The following ABCC4 variants were observed in gnomAD, a reference collection of about 807,000 sequenced individuals.
ABCC4 encodes ATP binding cassette subfamily C member 4 (PEL blood group).
In ABCC4, 102 loss-of-function variants were observed where a neutral mutation model predicts 168.5. The ratio of observed to expected loss-of-function variants is 0.61; its 90% CI spans 0.52 to 0.71. The LOEUF (loss-of-function observed/expected upper bound fraction) is 0.71, where lower values mean the gene tolerates loss of function less well. ABCC4 is among the 30% of genes least tolerant of loss of function. The probability of loss-of-function intolerance (pLI) is 0.00; values close to 1 mark genes in which losing one functional copy is unlikely to be tolerated. For missense variants in ABCC4, 1,402 were observed against 1,605.8 expected (o/e 0.87, Z 2.17); for synonymous variants, 617 against 590.7 (o/e 1.04, Z -0.65).
intron 3 of ABCC4, among the ~76,000 whole-genome samples, chr13:95,245,749 C>T (rs1330641541): frequency 6.6e-6 from 1 of 152,142 alleles, no homozygotes; most frequent in Non-Finnish European, 1.5e-5. Flanking sequence ...GTCCAGTCCC[C>T]TGTTGTCTGA....
chr13:95,126,599 C>G (rs996488987), intron 19 of ABCC4, among the ~76,000 whole-genome samples: 1 of 151,198 alleles, frequency 6.6e-6, no homozygotes, highest in Non-Finnish European at 1.5e-5. Context: ...CAACCAACAC[C>G]CAAATGTGAT....
At chr13:95,256,171 A>G (rs7322029) in intron 1 of ABCC4, among the ~76,000 whole-genome samples, 139,278 of 152,214 alleles carry the variant, frequency 0.92, 63,968 homozygotes, top group Admixed American at 0.96. Flanking sequence ...GCTCATTGAA[A>G]CTCCTGGGCT....
intron 8 of ABCC4, among the ~76,000 whole-genome samples, chr13:95,203,924 G>T (rs1013941246): frequency 6.6e-6 from 1 of 152,108 alleles, no homozygotes; most frequent in Non-Finnish European, 1.5e-5. Flanking sequence ...GCCACCTTGG[G>T]TCTGTATTGG....
At chr13:95,256,901 G>C (rs9516550) in intron 1 of ABCC4, among the ~76,000 whole-genome samples, 140,558 of 152,330 alleles carry the variant, frequency 0.92, 65,094 homozygotes, top group East Asian at 1. Context: ...GCTCAAATAA[G>C]CACTTGCCAG....
intron 30 of ABCC4, among the ~76,000 whole-genome samples, chr13:95,025,254 CACACACA>C (rs1593956868): frequency 6.0e-5 from 5 of 83,678 alleles, no homozygotes; most frequent in Non-Finnish European, 1.2e-4. Flanking sequence ...CACCCACACA[CACACACA>C]CCCCCACACC....
intron 19 of ABCC4, among the ~76,000 whole-genome samples, chr13:95,157,123 CACACACAA>C (rs750512577): frequency 0.014 from 2,059 of 145,030 alleles, 27 homozygotes; most frequent in African/African-American, 0.029. Flanking sequence ...CACACACACA[CACACACAA>C]ACAGTCACCA....
intron 2 of ABCC4, 61 bp from the exon 3 acceptor site, chr13:95,247,156 A>T: frequency 6.5e-7 from 1 of 1,542,868 alleles, no homozygotes; most frequent in East Asian, 2.2e-5. Flanking sequence ...AAAACAGGGG[A>T]GATGGCAGAG....
intron 25 of ABCC4, among the ~76,000 whole-genome samples, chr13:95,069,380 G>C (rs1312706076): frequency 6.6e-6 from 1 of 151,966 alleles, no homozygotes; most frequent in Non-Finnish European, 1.5e-5. Context: ...TATAAATCAT[G>C]CCATCGTGCT....
intron 26 of ABCC4, among the ~76,000 whole-genome samples, chr13:95,060,203 C>CTACA (rs1435544451): frequency 6.6e-6 from 1 of 152,202 alleles, no homozygotes; most frequent in Non-Finnish European, 1.5e-5. Context: ...AGATCAGGAT[C>CTACA]TACATGGATA....
chr13:95,276,164 A>G (rs1268381336), intron 1 of ABCC4, among the ~76,000 whole-genome samples: 5 of 152,102 alleles, frequency 3.3e-5, no homozygotes, highest in African/African-American at 1.2e-4. Context: ...CTATAATCTC[A>G]CTGCTTTGAG....
intron 21 of ABCC4, among the ~76,000 whole-genome samples, chr13:95,079,438 G>A (rs1025383034): frequency 3.3e-5 from 5 of 152,170 alleles, no homozygotes; most frequent in Admixed American, 1.3e-4. Flanking sequence ...AGGCTATAGT[G>A]CCTCTGGTAG....
intron 30 of ABCC4, among the ~76,000 whole-genome samples, chr13:95,030,590 A>G (rs1445300855): frequency 6.6e-6 from 1 of 152,228 alleles, no homozygotes; most frequent in Non-Finnish European, 1.5e-5. Context: ...CCCTGATCCA[A>G]TATGACTGGT....
At chr13:95,031,740 C>G (rs1355193037) in intron 30 of ABCC4, among the ~76,000 whole-genome samples, 1 of 152,154 alleles carries the variant, frequency 6.6e-6, no homozygotes, top group Non-Finnish European at 1.5e-5. Flanking sequence ...CTAATTCTGT[C>G]TCTGCTATAA....
At chr13:95,078,368 C>T (rs899198715) in intron 21 of ABCC4, among the ~76,000 whole-genome samples, 20 of 152,062 alleles carry the variant, frequency 1.3e-4, no homozygotes, top group Non-Finnish European at 2.9e-4. Flanking sequence ...GCCAAGATTA[C>T]GGCCACTGCA....
At chr13:95,267,082 A>G (rs1244118529) in intron 1 of ABCC4, among the ~76,000 whole-genome samples, 3 of 151,884 alleles carry the variant, frequency 2.0e-5, no homozygotes, top group African/African-American at 7.3e-5. Context: ...TCACCATGTT[A>G]TGTTGGAAAG....
At chr13:95,033,258 A>T (rs1461814562) in intron 30 of ABCC4, among the ~76,000 whole-genome samples, 1 of 152,190 alleles carries the variant, frequency 6.6e-6, no homozygotes, top group African/African-American at 2.4e-5. Context: ...ACCTACAGTG[A>T]TGAAAACCTG....
At chr13:95,113,791 A>G (rs2139406607) in intron 20 of ABCC4, among the ~76,000 whole-genome samples, 1 of 152,312 alleles carries the variant, frequency 6.6e-6, no homozygotes, top group Admixed American at 6.5e-5. Flanking sequence ...AAGATGAACC[A>G]GTTACTGCAT....
intron 19 of ABCC4, among the ~76,000 whole-genome samples, chr13:95,156,221 T>C (rs949414079): frequency 1.3e-5 from 2 of 152,216 alleles, no homozygotes; most frequent in African/African-American, 4.8e-5. Context: ...CCACAAAGAC[T>C]TTCATGTTTC....
At chr13:95,146,083 C>T (rs775602820) in intron 19 of ABCC4, among the ~76,000 whole-genome samples, 2 of 151,904 alleles carry the variant, frequency 1.3e-5, no homozygotes, top group South Asian at 2.1e-4. Flanking sequence ...TGGTGATATG[C>T]GCTTGTAATT....
Sources: allele counts gnomAD v4.1 joint callset (sites outside exome capture counted in the v4.1 genomes callset), GRCh38; gene constraint gnomAD v4.1.1; transcripts MANE v1.5; gene names NCBI Gene and HGNC (gene_info 2026-07-23, HGNC 2026-07-21).